CDON: variants seen among roughly 807,000 people sequenced by gnomAD.
CDON encodes the protein cell adhesion associated, oncogene regulated, also known as cell adhesion molecule-related/down-regulated by oncogenes.
A neutral mutation model predicts 120.9 loss-of-function variants in CDON; 73 were observed. The ratio of observed to expected loss-of-function variants is 0.60; its 90% CI spans 0.50 to 0.73. CDON has a LOEUF of 0.73. CDON is among the 30% of genes least tolerant of loss of function. CDON has a pLI of 0.00. For synonymous variants in CDON, 566 were observed against 573.5 expected (o/e 0.99, Z 0.19); for missense variants, 1,470 against 1,587.3 (o/e 0.93, Z 1.26).
intron 1 of CDON, among the ~76,000 whole-genome samples, chr11:126,050,254 G>A (rs965652124): frequency 2.6e-5 from 4 of 151,064 alleles, no homozygotes; most frequent in African/African-American, 9.7e-5. Context: ...TTAGAATTTA[G>A]CTATTTTAAT....
intron 1 of CDON, among the ~76,000 whole-genome samples, chr11:126,038,708 A>G (rs1371603098): frequency 6.6e-6 from 1 of 152,106 alleles, no homozygotes; most frequent in Non-Finnish European, 1.5e-5. Context: ...TTCCAATTTG[A>G]AAACTATTTA....
intron 11 of CDON, among the ~76,000 whole-genome samples, chr11:126,000,569 C>A (rs988667927): frequency 6.6e-6 from 1 of 152,194 alleles, no homozygotes; most frequent in African/African-American, 2.4e-5. Flanking sequence ...GCTGTTCCAG[C>A]ATTTTATACA....
chr11:126,015,050 A>T, intron 7 of CDON, 191 bp downstream of exon 7: 1 of 630,464 alleles, frequency 1.6e-6, no homozygotes, highest in Non-Finnish European at 2.8e-6. Context: ...TTTTTTAATG[A>T]GCTTGATTAA....
intron 1 of CDON, among the ~76,000 whole-genome samples, chr11:126,053,687 C>T (rs1029277783): frequency 6.6e-6 from 1 of 152,096 alleles, no homozygotes; most frequent in African/African-American, 2.4e-5. Context: ...GTATTGCATA[C>T]CATATCGAGC....
chr11:125,995,520 G>A lies in CDON; in HGVS notation c.2363-468C>T, dbSNP rs113468603. On this transcript the variant is annotated intron_variant, in intron 12 of 19. Transcript: ENST00000531738. Reference sequence around the variant, plus strand: ...ACTCATAAAGAGGCACTGTGTGGGCGGCCGCAGATGTCACTCTGGTTTCAC... The same window carrying A: ...ACTCATAAAGAGGCACTGTGTGGGCAGCCGCAGATGTCACTCTGGTTTCAC... Among the ~76,000 whole-genome samples the A allele has an allele frequency of 2.3e-3, 350 of 152,292 alleles. 2 individuals carry two copies. The highest frequency in any genetic ancestry group is 7.0e-3 in the African/African-American group (292 of 41,558).
At chr11:126,040,814 C>CAAAAAAAAAAAAA (rs71048763) in intron 1 of CDON, among the ~76,000 whole-genome samples, 5 of 44,998 alleles carry the variant, frequency 1.1e-4, no homozygotes, top group Non-Finnish European at 1.6e-4. Flanking sequence ...GACTCCGTCT[C>CAAAAAAAAAAAAA]AAAAAAAAAA....
At chr11:126,049,251 G>A (rs1392337920) in intron 1 of CDON, among the ~76,000 whole-genome samples, 1 of 152,090 alleles carries the variant, frequency 6.6e-6, no homozygotes, top group Non-Finnish European at 1.5e-5. Context: ...AAAACTTACA[G>A]ACAAGCATCA....
chr11:126,042,698 T>G (rs1188124361), intron 1 of CDON, among the ~76,000 whole-genome samples: 48 of 152,190 alleles, frequency 3.2e-4, no homozygotes, highest in Non-Finnish European at 1.6e-4. Flanking sequence ...CTCAGTTCAC[T>G]ACAACCTCCG....
chr11:126,045,363 A>G (rs1270781434), intron 1 of CDON, among the ~76,000 whole-genome samples: 1 of 152,192 alleles, frequency 6.6e-6, no homozygotes, highest in Non-Finnish European at 1.5e-5. Flanking sequence ...AATTTGTGGG[A>G]AAATTGTTAA....
At chr11:125,983,787 C>T in intron 16 of CDON, 85 bp downstream of exon 16, 1 of 957,606 alleles carries the variant, frequency 1.0e-6, no homozygotes, top group Non-Finnish European at 1.7e-6. Flanking sequence ...TAATATACAA[C>T]AGTGTTAGAA....
At chr11:125,981,711 T>C (rs1035278290) in intron 16 of CDON, among the ~76,000 whole-genome samples, 2 of 151,964 alleles carry the variant, frequency 1.3e-5, no homozygotes, top group African/African-American at 4.8e-5. Flanking sequence ...TTGGGCAAGC[T>C]GAAACTATCA....
intron 1 of CDON, among the ~76,000 whole-genome samples, chr11:126,029,220 T>A (rs1157430794): frequency 6.6e-6 from 1 of 152,170 alleles, no homozygotes; most frequent in Non-Finnish European, 1.5e-5. Context: ...TAAACAATAT[T>A]CTAAAGTTAC....
intron 18 of CDON, among the ~76,000 whole-genome samples, chr11:125,976,863 T>C (rs1946163444): frequency 6.6e-6 from 1 of 152,190 alleles, no homozygotes; most frequent in African/African-American, 2.4e-5. Flanking sequence ...TCAGAAACAT[T>C]ACGTTACTTT....
Position 125,961,666 on chromosome 11 carries a change from C to T in CDON, c.3631+58G>A, listed in dbSNP as rs755054936. ...TCTGAAAGCATCACCTTCCCATACACAGCTCTTAGCTAACTGAAGATGATC... is the reference window on the plus strand; with the variant it reads ...TCTGAAAGCATCACCTTCCCATACATAGCTCTTAGCTAACTGAAGATGATC... On this transcript the variant is annotated intron_variant, in intron 19 of 19. Coordinates refer to ENST00000531738, the MANE Select transcript of CDON (RefSeq NM_001378964.1). 3.1e-6 allele frequency: 5 copies of T among 1,611,068 alleles called. No homozygotes were observed. The African/African-American group carries it at 5.3e-5, about 17-fold the overall frequency.
intron 18 of CDON, among the ~76,000 whole-genome samples, chr11:125,974,904 T>C (rs529823101): frequency 6.6e-6 from 1 of 152,070 alleles, no homozygotes; most frequent in East Asian, 1.9e-4. Flanking sequence ...ATCTGGAATC[T>C]TCTGTTTTTC....
intron 1 of CDON, among the ~76,000 whole-genome samples, chr11:126,042,808 A>G (rs1948296747): frequency 6.6e-6 from 1 of 152,092 alleles, no homozygotes; most frequent in South Asian, 2.1e-4. Context: ...ATTTTAGTAG[A>G]GACCGGGTTT....
intron 3 of CDON, among the ~76,000 whole-genome samples, chr11:126,020,443 A>G (rs1028163576): frequency 6.6e-6 from 1 of 151,432 alleles, no homozygotes; most frequent in Non-Finnish European, 1.5e-5. Flanking sequence ...CCTGCAGGGG[A>G]CTCTTTATTA....
At chr11:125,992,064 CAG>C (rs1290307420) in intron 14 of CDON, among the ~76,000 whole-genome samples, 5 of 152,082 alleles carry the variant, frequency 3.3e-5, no homozygotes, top group African/African-American at 1.2e-4. Flanking sequence ...GAGAGAAAAA[CAG>C]AGAGACAAAG....
intron 1 of CDON, among the ~76,000 whole-genome samples, chr11:126,056,009 A>G (rs1429814856): frequency 6.6e-6 from 1 of 152,194 alleles, no homozygotes; most frequent in African/African-American, 2.4e-5. Flanking sequence ...CTCCAAAATC[A>G]TGTACGTGGT....
Sources: gnomAD v4.1 joint callset for allele counts (sites outside exome capture counted in the v4.1 genomes callset) on GRCh38, gnomAD v4.1.1 for gene constraint, MANE v1.5 for transcripts, NCBI Gene and HGNC (gene_info 2026-07-23, HGNC 2026-07-21) for gene names.